The following GAN variants were observed in gnomAD, a reference collection of about 807,000 sequenced individuals.
GAN encodes the protein gigaxonin.
Under a neutral mutation model 71.3 loss-of-function variants are expected in GAN, and 48 were observed. The observed-to-expected ratio is 0.67, with a 90% CI of 0.53 to 0.86. The LOEUF is 0.86. Ranked by LOEUF, GAN falls within the 40% of genes least tolerant of loss-of-function variation. The probability of loss-of-function intolerance (pLI) is 0.00; values close to 1 mark genes in which losing one functional copy is unlikely to be tolerated. For missense variants in GAN, 928 were observed against 770.1 expected, an observed-to-expected ratio of 1.21 and a Z score of -2.43; for synonymous variants, 386 against 276.8, an observed-to-expected ratio of 1.39 and a Z score of -3.92.
At position 81,384,731 on chromosome 16, in the gene GAN, G is replaced by C. The variant is rs2150702930; in HGVS notation, c.*7135G>C. 6.6e-6 allele frequency: 1 copy of C among 152,310 alleles called. No homozygotes were observed. The highest frequency in any genetic ancestry group is 1.9e-4 in the East Asian group (1 of 5,190). The allele number at this position is 152,310 out of a possible 1,614,324, so 9.4% of individuals were successfully genotyped here. ...AGAGTTGGATGATACTGAAAATCAT[G>C]AATGATGTGATTTGTTCCATGTATC... On this transcript the variant is annotated 3_prime_UTR_variant, in exon 11 of 11. Coordinates refer to ENST00000648994, the MANE Select transcript of GAN (RefSeq NM_022041.4).
At chr16:81,359,459 A>G (rs766004578) in intron 5 of GAN, among the ~76,000 whole-genome samples, 1 of 124,492 alleles carries the variant, frequency 8.0e-6, no homozygotes, top group Non-Finnish European at 1.8e-5. Context: ...TTTTTTTGTC[A>G]TTCAATTTTT....
At chr16:81,321,135 C>T (rs773244823) in intron 1 of GAN, among the ~76,000 whole-genome samples, 2 of 152,148 alleles carry the variant, frequency 1.3e-5, no homozygotes, top group African/African-American at 2.4e-5. Flanking sequence ...ACAGTGGTTG[C>T]CACTATTAGT....
intron 1 of GAN, among the ~76,000 whole-genome samples, chr16:81,341,393 T>A (rs986494663): frequency 6.6e-6 from 1 of 152,074 alleles, no homozygotes; most frequent in African/African-American, 2.4e-5. Flanking sequence ...GAGAGAAAGG[T>A]CGGGTTACCC....
At chr16:81,358,791 T>C (rs1280979441) in intron 5 of GAN, among the ~76,000 whole-genome samples, 1 of 152,224 alleles carries the variant, frequency 6.6e-6, no homozygotes, top group Non-Finnish European at 1.5e-5. Context: ...ATTGAGGCAT[T>C]GCCTTTGCTG....
intron 7 of GAN, among the ~76,000 whole-genome samples, chr16:81,364,528 T>G (rs1481859109): frequency 6.6e-6 from 1 of 152,072 alleles, no homozygotes; most frequent in African/African-American, 2.4e-5. Flanking sequence ...TACAAAAAAG[T>G]TTTAAATAAA....
intron 1 of GAN, among the ~76,000 whole-genome samples, chr16:81,324,453 C>G (rs896016800): frequency 6.6e-6 from 1 of 152,092 alleles, no homozygotes; most frequent in Non-Finnish European, 1.5e-5. Context: ...ATGAGAAGAG[C>G]AGGGGGAGGC....
chr16:81,364,454 A>G (rs891846591), intron 7 of GAN, among the ~76,000 whole-genome samples: 2 of 152,082 alleles, frequency 1.3e-5, no homozygotes, highest in African/African-American at 2.4e-5. Context: ...TTAAGTAGAG[A>G]TAGGGTTTCA....
At chr16:81,325,015 G>A (rs1465678937) in intron 1 of GAN, among the ~76,000 whole-genome samples, 2 of 151,974 alleles carry the variant, frequency 1.3e-5, no homozygotes, top group Non-Finnish European at 2.9e-5. Context: ...GGCAGACCAG[G>A]GATGACTCGC....
intron 1 of GAN, among the ~76,000 whole-genome samples, chr16:81,349,053 C>G (rs1019154656): frequency 1.3e-5 from 2 of 152,166 alleles, no homozygotes; most frequent in African/African-American, 4.8e-5. Flanking sequence ...AGTCATTTGT[C>G]TTCCACTGGA....
chr16:81,367,312 C>T (rs1910891751), intron 9 of GAN, among the ~76,000 whole-genome samples: 1 of 151,832 alleles, frequency 6.6e-6, no homozygotes, highest in Non-Finnish European at 1.5e-5. Flanking sequence ...CACTTGAGGC[C>T]AGGAGTTCAA....
At chr16:81,350,854 G>A (rs532472947) in intron 1 of GAN, among the ~76,000 whole-genome samples, 20 of 152,252 alleles carry the variant, frequency 1.3e-4, no homozygotes, top group Admixed American at 1.2e-3. Context: ...AGAGTCATAT[G>A]CAATAATAGT....
rs778330202 is a variant in GAN, at chr16:81,315,284, G to C, written c.167+4G>C. The C allele has an allele frequency of 2.3e-5, 35 of 1,551,484 alleles. No homozygotes were observed. Among genetic ancestry groups the C allele is most frequent in the Non-Finnish European group, 7.0e-6 (8 of 1,150,150 alleles). On this transcript the variant is annotated splice_donor_region_variant and intron_variant, in intron 1 of 10. Coordinates refer to ENST00000648994, the MANE Select transcript of GAN (RefSeq NM_022041.4). ...CGGCGGCCAGCCCGTACATCAGGTG[G>C]GGAGGGGGCTACGGCGGGCGGGCGC...
At chr16:81,333,241 CAAAAAA>C (rs34186926) in intron 1 of GAN, among the ~76,000 whole-genome samples, 1 of 107,174 alleles carries the variant, frequency 9.3e-6, no homozygotes. Flanking sequence ...GACTCCATCT[CAAAAAA>C]AAAAAAAAAA....
chr16:81,362,554 A>G lies in GAN; in HGVS notation c.1029A>G (p.Ser343=), dbSNP rs2150690225. The change falls in exon 6 of 11, where the codon TCA becomes TCG. Residue 343 remains serine (S), a synonymous_variant. Transcript: ENST00000648994. ...ATGAAAATAAGCAGACTCTTAGCTC[A>G]GGAGAAAAGTATGATCCAGATGCAA... ...GQDENKQTLS[S]GEKYDPDANT... is the part of the protein sequence containing the mutation. The G allele has an allele frequency of 6.2e-7, 1 of 1,611,000 alleles. No individual in the cohort carries two copies. The highest frequency in any genetic ancestry group is 8.5e-7 in the Non-Finnish European group (1 of 1,177,110).
At chr16:81,358,076 C>A in intron 5 of GAN, 145 bp downstream of exon 5, 2 of 754,176 alleles carry the variant, frequency 2.7e-6, no homozygotes, top group Non-Finnish European at 2.3e-6. Flanking sequence ...CTTCTGAGAC[C>A]GTGGTTAGGA....
At chr16:81,315,738 C>T (rs1432164014) in intron 1 of GAN, among the ~76,000 whole-genome samples, 1 of 152,248 alleles carries the variant, frequency 6.6e-6, no homozygotes, top group Non-Finnish European at 1.5e-5. Context: ...AGTCGCTCGC[C>T]TCTGAATCCA....
chr16:81,345,683 A>C (rs1449632240), intron 1 of GAN, among the ~76,000 whole-genome samples: 2 of 152,214 alleles, frequency 1.3e-5, no homozygotes, highest in African/African-American at 2.4e-5. Context: ...ACCATGGCAC[A>C]TGTATACCTG....
chr16:81,376,531 A>G (rs1335155252), intron 9 of GAN, among the ~76,000 whole-genome samples: 4 of 148,730 alleles, frequency 2.7e-5, no homozygotes, highest in African/African-American at 7.5e-5. Flanking sequence ...GTATACATAT[A>G]TGTGTATATG....
rs148906656 is a variant in GAN, at chr16:81,325,848, A to C, written c.167+10568A>C. On this transcript the variant is annotated intron_variant, in intron 1 of 10. Transcript: ENST00000648994. ...ATTAACATTGCTGTTTAAACACCTT[A>C]ATTATATTCTTCTAGCCCTTGACAG... is the stretch of plus-strand genomic sequence containing the variant. Among the ~76,000 whole-genome samples the C allele has an allele frequency of 2.2e-3, 328 of 152,344 alleles. 1 individual carries two copies. The highest frequency in any genetic ancestry group is 7.5e-3 in the African/African-American group (313 of 41,590).
Sources: gnomAD v4.1 joint callset for allele counts (sites outside exome capture counted in the v4.1 genomes callset) on GRCh38, gnomAD v4.1.1 for gene constraint, MANE v1.5 for transcripts, NCBI Gene and HGNC (gene_info 2026-07-23, HGNC 2026-07-21) for gene names.